BCAS1: variants seen among roughly 807,000 people sequenced by gnomAD.
BCAS1 encodes the protein brain enriched myelin associated protein 1, also known as breast carcinoma-amplified sequence 1.
A neutral mutation model predicts 65.4 loss-of-function variants in BCAS1; 46 were observed. That is an observed-to-expected ratio of 0.70 (90% CI 0.55 to 0.90). The LOEUF (loss-of-function observed/expected upper bound fraction) is 0.90. Among genes scored for constraint, BCAS1 ranks in the 40% least tolerant of loss-of-function variants. The pLI, the probability that BCAS1 is intolerant of heterozygous loss-of-function variation, is 0.00. For missense variants in BCAS1, 793 were observed against 771.2 expected, an observed-to-expected ratio of 1.03 and a Z score of -0.33; for synonymous variants, 298 against 293.5, an observed-to-expected ratio of 1.02 and a Z score of -0.16.
At position 53,992,589 on chromosome 20, in the gene BCAS1, G is replaced by T. The variant is rs764884874; in HGVS notation, c.985C>A (p.Gln329Lys). The stretch of plus-strand genomic sequence containing the variant: ...TGCTTTTTCTTGGTGCCTCTAGCCT[G>T]GATCTCGGATGTCTTCTGACCAGCT... ...GQAGQKTSEI[Q>K]ARGTKKKHLD... Residue 329 changes from glutamine (Q) to lysine (K), a missense_variant, in exon 7 of 13, where the codon CAG becomes AAG. Transcript: ENST00000688948. The T allele has an allele frequency of 2.9e-6, 4 of 1,365,540 alleles. No individual in the cohort carries two copies. In the African/African-American group the frequency reaches 5.9e-5, roughly 20 times the overall value. The allele number at this position is 1,365,540 out of a possible 1,614,324, so 84.6% of individuals were successfully genotyped here.
At chr20:53,964,976 A>C (rs375769) in intron 10 of BCAS1, among the ~76,000 whole-genome samples, 112,302 of 151,742 alleles carry the variant, frequency 0.74, 41,893 homozygotes, top group East Asian at 0.94. Context: ...TTATGATGAG[A>C]TATTTGGGGA....
chr20:53,975,827 C>T (rs1019988659), intron 8 of BCAS1, among the ~76,000 whole-genome samples: 8 of 152,126 alleles, frequency 5.3e-5, no homozygotes, highest in Admixed American at 2.6e-4. Context: ...AACAAAGAAG[C>T]TACTCAGGAA....
chr20:53,983,673 C>T lies in BCAS1; in HGVS notation c.1275+1614G>A, dbSNP rs78048743. Among the ~76,000 whole-genome samples the T allele has an allele frequency of 1.7e-4, 26 of 152,306 alleles. 1 individual carries two copies. In the East Asian group the frequency reaches 4.2e-3, roughly 25 times the overall value. ...GGGGGCTCCTACCAATGACTGGGCA[C>T]GACAGGAGTACTGGGCCATTCATTC... is the stretch of plus-strand genomic sequence containing the variant. On this transcript the variant is annotated intron_variant, in intron 8 of 12. Transcript: ENST00000688948.
intron 1 of BCAS1, among the ~76,000 whole-genome samples, chr20:54,066,208 G>A (rs1053315587): frequency 1.3e-5 from 2 of 152,106 alleles, no homozygotes; most frequent in Admixed American, 6.5e-5. Context: ...GAGTAGCTGG[G>A]ACTACAGGCG....
intron 4 of BCAS1, among the ~76,000 whole-genome samples, chr20:54,012,575 G>GT (rs1357028597): frequency 1.3e-5 from 2 of 152,066 alleles, no homozygotes; most frequent in African/African-American, 4.8e-5. Flanking sequence ...TTCGCATGTG[G>GT]TTTTAACATG....
chr20:54,028,737 A>G lies in BCAS1; in HGVS notation c.378T>C (p.Asn126=). 1 of 1,614,168 alleles carries G rather than the reference A, an allele frequency of 6.2e-7. No individual in the cohort carries two copies. The highest frequency in any genetic ancestry group is 1.1e-5 in the South Asian group (1 of 91,074). The change falls in exon 4 of 13, where the codon AAT becomes AAC. Residue 126 remains asparagine, a synonymous_variant. Coordinates refer to ENST00000688948, the MANE Select transcript of BCAS1 (RefSeq NM_001366298.2). The part of the protein sequence containing the change: ...LGSVKLDVSS[N]KAPANKDPSE... ...TTGGGTCTTTGTTCGCTGGAGCTTTATTGGAGCTGACATCAAGCTTCACTG... is the reference window on the plus strand; with the variant it reads ...TTGGGTCTTTGTTCGCTGGAGCTTTGTTGGAGCTGACATCAAGCTTCACTG...
chr20:53,952,507 A>C (rs1046536824), intron 12 of BCAS1, among the ~76,000 whole-genome samples: 1 of 149,086 alleles, frequency 6.7e-6, no homozygotes, highest in Non-Finnish European at 1.5e-5. Context: ...ACCCCTGTTA[A>C]ATTAAATAAG....
At chr20:53,947,531 C>T (rs1415763786) in intron 12 of BCAS1, among the ~76,000 whole-genome samples, 1 of 152,154 alleles carries the variant, frequency 6.6e-6, no homozygotes, top group African/African-American at 2.4e-5. Flanking sequence ...AGCCTGCTGC[C>T]TCATCTGTGT....
Position 53,944,845 on chromosome 20 carries a change from C to G in BCAS1, c.*77G>C, listed in dbSNP as rs1217639057. ...CCATCAGAAGAATATATACATGGAG[C>G]GTGTTTGGGGAGGAGATGGAGTAAG... On this transcript the variant is annotated 3_prime_UTR_variant, in exon 13 of 13. Coordinates refer to ENST00000688948, the MANE Select transcript of BCAS1 (RefSeq NM_001366298.2). The G allele has an allele frequency of 2.3e-5, 30 of 1,292,734 alleles. No homozygotes were observed. The highest frequency in any genetic ancestry group is 3.4e-5 in the Non-Finnish European group (30 of 887,678). The allele number at this position is 1,292,734 out of a possible 1,614,324, so 80.1% of individuals were successfully genotyped here.
chr20:53,994,676 C>T (rs1463216091), intron 6 of BCAS1, among the ~76,000 whole-genome samples: 4 of 151,960 alleles, frequency 2.6e-5, no homozygotes, highest in South Asian at 2.1e-4. Context: ...GGTCCCTCTA[C>T]GCACAACTAA....
At chr20:54,006,631 AC>A (rs1407039735) in intron 4 of BCAS1, among the ~76,000 whole-genome samples, 5 of 151,202 alleles carry the variant, frequency 3.3e-5, no homozygotes, top group Non-Finnish European at 5.9e-5. Context: ...AATTGTTTGA[AC>A]CCAGGAGGTG....
chr20:54,001,907 A>T (rs66935272), intron 4 of BCAS1, among the ~76,000 whole-genome samples: 2 of 152,040 alleles, frequency 1.3e-5, no homozygotes, highest in African/African-American at 2.4e-5. Context: ...TAGGAAGCTA[A>T]TATTTTCTCG....
chr20:53,980,342 G>A (rs1432701384), intron 8 of BCAS1, among the ~76,000 whole-genome samples: 1 of 152,176 alleles, frequency 6.6e-6, no homozygotes, highest in Non-Finnish European at 1.5e-5. Context: ...CCCGAAGACA[G>A]CTCCTTGCAA....
chr20:54,068,710 C>T (rs2092475961), intron 1 of BCAS1, among the ~76,000 whole-genome samples: 1 of 152,210 alleles, frequency 6.6e-6, no homozygotes, highest in Non-Finnish European at 1.5e-5. Context: ...TACGGGGAGG[C>T]ACACCTGGGG....
At chr20:54,059,339 G>A (rs2092347554) in intron 1 of BCAS1, among the ~76,000 whole-genome samples, 1 of 152,192 alleles carries the variant, frequency 6.6e-6, no homozygotes, top group Admixed American at 6.5e-5. Context: ...TTATCATCAT[G>A]AAAAGTGTAT....
At position 54,029,640 on chromosome 20, in the gene BCAS1, C is replaced by G. The variant is rs374742773; in HGVS notation, c.143-668G>C. On this transcript the variant is annotated intron_variant, in intron 3 of 12. Coordinates refer to ENST00000688948, the MANE Select transcript of BCAS1 (RefSeq NM_001366298.2). ...GTAAAAGGAGACAGATAATAAATCT[C>G]GTAATTTTGTTAGGAAGATTACATG... Among the ~76,000 whole-genome samples the G allele has an allele frequency of 3.9e-5, 6 of 152,234 alleles. No individual in the cohort carries two copies. In the East Asian group the frequency reaches 9.6e-4, roughly 24 times the overall value.
In BCAS1 at chr20:54,019,320, C is replaced by T. The variant is rs532131394; in HGVS notation, c.723+9072G>A. Among the ~76,000 whole-genome samples, 122 of 152,288 alleles carry T rather than the reference C, an allele frequency of 8.0e-4. 1 individual carries two copies. The highest frequency in any genetic ancestry group is 2.7e-3 in the South Asian group (13 of 4,820). ...ACTTGGTTAAACAAAGTGAAACAGG[C>T]GTGCTTGCTGCAGGACTTCTCAGAG... is the stretch of plus-strand genomic sequence containing the variant. On this transcript the variant is annotated intron_variant, in intron 4 of 12. Transcript: ENST00000688948.
At chr20:54,039,776 C>A (rs1405237971) in intron 3 of BCAS1, among the ~76,000 whole-genome samples, 1 of 151,288 alleles carries the variant, frequency 6.6e-6, no homozygotes, top group African/African-American at 2.4e-5. Flanking sequence ...TTTTTCCTGT[C>A]TCTATCCTCC....
At chr20:53,972,213 C>A (rs2090198277) in intron 9 of BCAS1, among the ~76,000 whole-genome samples, 2 of 152,144 alleles carry the variant, frequency 1.3e-5, no homozygotes, top group African/African-American at 2.4e-5. Flanking sequence ...ATCTAATTGT[C>A]CTGTTGTGAA....
Sources: gnomAD v4.1 joint callset for allele counts (sites outside exome capture counted in the v4.1 genomes callset) on GRCh38, gnomAD v4.1.1 for gene constraint, MANE v1.5 for transcripts, NCBI Gene and HGNC (gene_info 2026-07-23, HGNC 2026-07-21) for gene names.